The following MRE11 variants were observed in gnomAD, a reference collection of about 807,000 sequenced individuals.
The protein encoded by MRE11 is double-strand break repair protein MRE11.
In MRE11, 62 loss-of-function variants were observed where a neutral mutation model predicts 91.7. The observed-to-expected ratio is 0.68, with a 90% CI of 0.55 to 0.84. MRE11 has a LOEUF of 0.84. Ranked by LOEUF, MRE11 falls within the 40% of genes least tolerant of loss-of-function variation. The probability of loss-of-function intolerance (pLI) is 0.00; values close to 1 mark genes in which losing one functional copy is unlikely to be tolerated. For synonymous variants in MRE11, 273 were observed against 271.4 expected (o/e 1.01, Z -0.06); for missense variants, 796 against 852.9 (o/e 0.93, Z 0.83).
chr11:94,418,458 T>C lies in MRE11; in HGVS notation c.*1667A>G, dbSNP rs1434706438. 2 of 232,118 alleles carry C rather than the reference T, an allele frequency of 8.6e-6. No homozygotes were observed. The highest frequency in any genetic ancestry group is 1.8e-4 in the South Asian group (1 of 5,512). 14.4% of individuals were successfully genotyped at this position (232,118 alleles called of 1,614,324 possible). On this transcript the variant is annotated 3_prime_UTR_variant, in exon 20 of 20. Transcript: ENST00000323929. ...TCAGGATACTTTAGTGACCATTCCC[T>C]CACTATAACTCTCACCCAGACCCAC...
At chr11:94,499,368 G>A in the MRE11 span, 2 of 152,358 alleles carry the variant, frequency 1.3e-5, no homozygotes, top group Non-Finnish European at 2.9e-5. Flanking sequence ...AAGTTCACAG[G>A]AAATGTTGAT....
chr11:94,443,977 G>A (rs192249914), intron 16 of MRE11, among the ~76,000 whole-genome samples: 5 of 142,414 alleles, frequency 3.5e-5, no homozygotes, highest in Admixed American at 1.5e-4. Flanking sequence ...GCATGATCTC[G>A]GCTCACTGCA....
chr11:94,485,111 T>C (rs1947106052), intron 4 of MRE11, among the ~76,000 whole-genome samples: 1 of 149,584 alleles, frequency 6.7e-6, no homozygotes, highest in South Asian at 2.2e-4. Flanking sequence ...TACTCACCTG[T>C]AATCCCAACT....
At chr11:94,428,134 T>C (rs1054283199) in intron 19 of MRE11, among the ~76,000 whole-genome samples, 2 of 152,036 alleles carry the variant, frequency 1.3e-5, no homozygotes, top group African/African-American at 4.8e-5. Context: ...CTACCCAACT[T>C]TGAACTATAT....
chr11:94,476,210 T>A, intron 7 of MRE11, 79 bp downstream of exon 7: 1 of 867,448 alleles, frequency 1.2e-6, no homozygotes, highest in Admixed American at 1.8e-5. Flanking sequence ...TAAGGGCATT[T>A]CACTAAAATA....
At chr11:94,452,943 C>G (rs1946150466) in intron 14 of MRE11, among the ~76,000 whole-genome samples, 1 of 152,128 alleles carries the variant, frequency 6.6e-6, no homozygotes, top group East Asian at 1.9e-4. Context: ...AGAACTTTCT[C>G]ATCATCCCAA....
In MRE11 at chr11:94,481,078, G is replaced by C. The variant is rs148997177; in HGVS notation, c.315-1317C>G. Among the ~76,000 whole-genome samples, 193 of 152,290 alleles carry C rather than the reference G, an allele frequency of 1.3e-3. 4 individuals are homozygous for C. The East Asian group carries it at 0.034, about 27-fold the overall frequency. On this transcript the variant is annotated intron_variant, in intron 4 of 19. Coordinates refer to ENST00000323929, the MANE Select transcript of MRE11 (RefSeq NM_005591.4). ...AATCCCAGCACTTTGGGAGGCCGAGGTGGGCAGATCACCTGAGGTCAGGAG... is the reference window on the plus strand; with the variant it reads ...AATCCCAGCACTTTGGGAGGCCGAGCTGGGCAGATCACCTGAGGTCAGGAG...
intron 14 of MRE11, among the ~76,000 whole-genome samples, chr11:94,451,673 C>G (rs1946110545): frequency 6.6e-6 from 1 of 151,992 alleles, no homozygotes; most frequent in South Asian, 2.1e-4. Context: ...TAATATAACT[C>G]ACTATATTAA....
chr11:94,462,790 T>C (rs1946456025), intron 11 of MRE11, among the ~76,000 whole-genome samples: 1 of 152,144 alleles, frequency 6.6e-6, no homozygotes, highest in Non-Finnish European at 1.5e-5. Context: ...CAAGATGGAT[T>C]AAAGACTTAA....
At chr11:94,503,849 A>AAG in the MRE11 span, among the ~76,000 whole-genome samples, 3 of 150,848 alleles carry the variant, frequency 2.0e-5, no homozygotes, top group Admixed American at 6.6e-5. Flanking sequence ...AAAAAAAAAA[A>AAG]GACTAGCTAT....
At chr11:94,468,229 T>C (rs1041699870) in intron 9 of MRE11, among the ~76,000 whole-genome samples, 4 of 152,206 alleles carry the variant, frequency 2.6e-5, no homozygotes, top group African/African-American at 9.6e-5. Flanking sequence ...ATATGATCCA[T>C]GGGAGACTCA....
At chr11:94,421,011 G>C (rs1411924099) in intron 19 of MRE11, among the ~76,000 whole-genome samples, 1 of 150,116 alleles carries the variant, frequency 6.7e-6, no homozygotes, top group Non-Finnish European at 1.5e-5. Context: ...CAGCCTCGGC[G>C]ACAGAGCGAG....
upstream of MRE11, among the ~76,000 whole-genome samples, chr11:94,494,600 A>G (rs1309560379): frequency 1.3e-5 from 2 of 152,216 alleles, no homozygotes; most frequent in Non-Finnish European, 2.9e-5. Flanking sequence ...ACATACCCTG[A>G]CATTCCTGAT....
intron 19 of MRE11, among the ~76,000 whole-genome samples, chr11:94,424,927 C>T (rs1057290710): frequency 2.6e-5 from 4 of 152,204 alleles, no homozygotes; most frequent in East Asian, 1.9e-4. Context: ...AAAACATATT[C>T]GAGGATACAG....
At chr11:94,444,115 C>T (rs112920010) in intron 16 of MRE11, among the ~76,000 whole-genome samples, 7 of 151,988 alleles carry the variant, frequency 4.6e-5, no homozygotes, top group Middle Eastern at 3.4e-3. Context: ...CACCTTGTTG[C>T]CCAGACTGGT....
intron 19 of MRE11, among the ~76,000 whole-genome samples, chr11:94,425,186 C>T (rs924517031): frequency 6.6e-6 from 1 of 152,102 alleles, no homozygotes; most frequent in Non-Finnish European, 1.5e-5. Flanking sequence ...AGACTGGGGA[C>T]CTATTTTCTG....
intron 6 of MRE11, among the ~76,000 whole-genome samples, chr11:94,477,164 T>C (rs13447617): frequency 4.4e-4 from 67 of 152,214 alleles, no homozygotes; most frequent in Admixed American, 1.2e-3. Context: ...CTAGTAATAC[T>C]ATTTTTCACC....
intron 19 of MRE11, among the ~76,000 whole-genome samples, chr11:94,426,868 C>A (rs549358846): frequency 6.6e-6 from 1 of 152,042 alleles, no homozygotes; most frequent in Non-Finnish European, 1.5e-5. Flanking sequence ...AAGTGAAAAC[C>A]TGAACAGACC....
intron 18 of MRE11, among the ~76,000 whole-genome samples, chr11:94,433,897 A>G (rs185604113): frequency 5.3e-5 from 8 of 152,290 alleles, no homozygotes; most frequent in Non-Finnish European, 1.5e-5. Flanking sequence ...GCTTAAATGT[A>G]GCTTCCTCAG....
Sources: gnomAD v4.1 joint callset for allele counts (sites outside exome capture counted in the v4.1 genomes callset) on GRCh38, gnomAD v4.1.1 for gene constraint, MANE v1.5 for transcripts, NCBI Gene and HGNC (gene_info 2026-07-23, HGNC 2026-07-21) for gene names.